MYBL1: variants seen among roughly 807,000 people sequenced by gnomAD.
MYBL1 encodes the protein myb-related protein A.
MYBL1 carries 17 observed loss-of-function variants against 96.3 expected under a neutral mutation model. That is an observed-to-expected ratio of 0.18 (90% CI 0.12 to 0.26). The LOEUF (loss-of-function observed/expected upper bound fraction) is 0.26. MYBL1 is among the 10% of genes least tolerant of loss of function. The probability of loss-of-function intolerance (pLI) is 1.00; values close to 1 mark genes in which losing one functional copy is unlikely to be tolerated. For synonymous variants in MYBL1, 282 were observed against 292.7 expected, an observed-to-expected ratio of 0.96 and a Z score of 0.37; for missense variants, 701 against 882.9, an observed-to-expected ratio of 0.79 and a Z score of 2.61.
chr8:66,568,305 A>C (rs924093546), intron 12 of MYBL1, among the ~76,000 whole-genome samples: 1 of 151,992 alleles, frequency 6.6e-6, no homozygotes. Context: ...TTGAGATGGA[A>C]TCTTGCTCTG....
chr8:66,570,795 C>T (rs375569576), intron 12 of MYBL1, among the ~76,000 whole-genome samples: 16 of 152,196 alleles, frequency 1.1e-4, no homozygotes, highest in South Asian at 6.2e-4. Context: ...TAAATATATA[C>T]ATTTACTTGG....
chr8:66,601,375 T>A (rs1810066956), intron 3 of MYBL1, among the ~76,000 whole-genome samples: 1 of 152,110 alleles, frequency 6.6e-6, no homozygotes, highest in Non-Finnish European at 1.5e-5. Flanking sequence ...TGGTTAGCTA[T>A]CAAATATCTC....
In MYBL1 at chr8:66,580,856, TTC is replaced by T. The variant is rs1311572685; in HGVS notation, c.868-492_868-491del. Among the ~76,000 whole-genome samples the T allele has an allele frequency of 1.0e-4, 15 of 146,962 alleles. No individual in the cohort carries two copies. In the East Asian group the frequency reaches 3.3e-3, roughly 32 times the overall value. On this transcript the variant is annotated intron_variant, in intron 8 of 15. Coordinates refer to ENST00000522677, the MANE Select transcript of MYBL1 (RefSeq NM_001080416.4). ...TGTAACCTACTGACCAGGGAAGCTCTTCTTTTTTTTTTTTTTTTCTGAGATTG... is the reference window on the plus strand; with the variant it reads ...TGTAACCTACTGACCAGGGAAGCTCTTTTTTTTTTTTTTTTTCTGAGATTG...
At chr8:66,586,042 G>GTTTTTTTTTTTTTTTT (rs578179482) in intron 8 of MYBL1, among the ~76,000 whole-genome samples, 1 of 105,828 alleles carries the variant, frequency 9.4e-6, no homozygotes, top group Non-Finnish European at 2.0e-5. Flanking sequence ...GTTTTTTGGT[G>GTTTTTTTTTTTTTTTT]TTTTTTTTTT....
Position 66,579,635 on chromosome 8 carries a change from C to T in MYBL1, c.1101+498G>A, listed in dbSNP as rs142480915. 3.7e-3 allele frequency among the ~76,000 whole-genome samples: 550 copies of T among 148,638 alleles called. 3 individuals carry two copies. Among genetic ancestry groups the T allele is most frequent in the African/African-American group, 0.013 (526 of 40,004 alleles). On this transcript the variant is annotated intron_variant, in intron 9 of 15. Transcript: ENST00000522677. ...TTGCACCACTACACTCCAGCCTGGG[C>T]GACAGAGTGAGATGCCATCTTAAAA...
At chr8:66,602,802 G>A (rs1198377524) in intron 1 of MYBL1, among the ~76,000 whole-genome samples, 1 of 135,542 alleles carries the variant, frequency 7.4e-6, no homozygotes, top group Non-Finnish European at 1.5e-5. Context: ...CTGGAGTGCA[G>A]TGGCATGATC....
At position 66,592,432 on chromosome 8, in the gene MYBL1, T is replaced by A; in HGVS notation, c.867+8A>T. 1 of 1,540,582 alleles carries A rather than the reference T, an allele frequency of 6.5e-7. No individual in the cohort carries two copies. Among genetic ancestry groups the A allele is most frequent in the Middle Eastern group, 1.7e-4 (1 of 5,914 alleles). On this transcript the variant is annotated splice_region_variant and intron_variant, in intron 8 of 15. Coordinates refer to ENST00000522677, the MANE Select transcript of MYBL1 (RefSeq NM_001080416.4). Reference sequence around the variant, plus strand: ...TCTAACAATACAAATAACAAGCTTATTTCTTACTGATGGAATTCGCTTTCT... The same window carrying A: ...TCTAACAATACAAATAACAAGCTTAATTCTTACTGATGGAATTCGCTTTCT...
chr8:66,590,986 C>T (rs1325643329), intron 8 of MYBL1, among the ~76,000 whole-genome samples: 1 of 152,156 alleles, frequency 6.6e-6, no homozygotes, highest in African/African-American at 2.4e-5. Context: ...ATGATCTGGT[C>T]AGTATACATT....
chr8:66,602,870 C>G (rs912131093), intron 1 of MYBL1, among the ~76,000 whole-genome samples: 1 of 149,716 alleles, frequency 6.7e-6, no homozygotes, highest in Non-Finnish European at 1.5e-5. Flanking sequence ...CTCAGCCTCT[C>G]GAGTAGCTGG....
Position 66,564,834 on chromosome 8 carries a change from G to A in MYBL1, c.2131-9C>T. On this transcript the variant is annotated splice_polypyrimidine_tract_variant and intron_variant, in intron 15 of 15. Transcript: ENST00000522677. ...TCCCATTCACAATTTGACTAGAAAG[G>A]AAATATTAATAGTGACATGAAAATT... is the stretch of plus-strand genomic sequence containing the variant. The A allele has an allele frequency of 6.5e-7, 1 of 1,543,834 alleles. No homozygotes were observed.
At chr8:66,572,654 T>C (rs1563528366) in intron 11 of MYBL1, 58 bp from the exon 12 acceptor site, 2 of 857,572 alleles carry the variant, frequency 2.3e-6, no homozygotes, top group Non-Finnish European at 1.8e-6. Flanking sequence ...TACAAGTTAA[T>C]GAAAGCAAAG....
At chr8:66,612,666 C>G in intron 1 of MYBL1, 153 bp downstream of exon 1, 1 of 886,978 alleles carries the variant, frequency 1.1e-6, no homozygotes. Flanking sequence ...AGCTGCCCTC[C>G]GGTCATCGAG....
chr8:66,589,122 T>G (rs1809535817), intron 8 of MYBL1, among the ~76,000 whole-genome samples: 1 of 152,190 alleles, frequency 6.6e-6, no homozygotes, highest in Non-Finnish European at 1.5e-5. Flanking sequence ...AACCAAATCT[T>G]TATGAGAACA....
chr8:66,596,013 T>G (rs1449465632), intron 5 of MYBL1, among the ~76,000 whole-genome samples: 1 of 152,138 alleles, frequency 6.6e-6, no homozygotes, highest in Non-Finnish European at 1.5e-5. Flanking sequence ...AGTAGGTCAC[T>G]GCTCTCGTGG....
intron 10 of MYBL1, among the ~76,000 whole-genome samples, chr8:66,575,508 G>C (rs1808900871): frequency 6.6e-6 from 1 of 152,064 alleles, no homozygotes; most frequent in African/African-American, 2.4e-5. Flanking sequence ...ATATCATGTA[G>C]AACCGGGAGC....
chr8:66,583,618 A>C (rs1809300492), intron 8 of MYBL1, among the ~76,000 whole-genome samples: 1 of 152,056 alleles, frequency 6.6e-6, no homozygotes, highest in African/African-American at 2.4e-5. Context: ...ATAAAATCAG[A>C]AACAAAAAAG....
Position 66,613,200 on chromosome 8 carries a change from C to G in MYBL1, c.-362G>C, listed in dbSNP as rs1810607490. 2.5e-6 allele frequency: 1 copy of G among 400,252 alleles called. No individual in the cohort carries two copies. Among genetic ancestry groups the G allele is most frequent in the South Asian group, 1.2e-4 (1 of 8,134 alleles). The allele number at this position is 400,252 out of a possible 1,614,324, so 24.8% of individuals were successfully genotyped here. ...AGGCGCCCGACCCCTGCCCTCTCCC[C>G]CGCAGCTAGCAGTTCTGCAGGGCTC... On this transcript the variant is annotated 5_prime_UTR_variant, in exon 1 of 16. Coordinates refer to ENST00000522677, the MANE Select transcript of MYBL1 (RefSeq NM_001080416.4).
rs368496062 is a variant in MYBL1, at chr8:66,575,363, G to A, written c.1470+644C>T. Among the ~76,000 whole-genome samples, 8 of 152,270 alleles carry A rather than the reference G, an allele frequency of 5.3e-5. No individual in the cohort carries two copies. In the East Asian group the frequency reaches 9.6e-4, roughly 18 times the overall value. On this transcript the variant is annotated intron_variant, in intron 10 of 15. Coordinates refer to ENST00000522677, the MANE Select transcript of MYBL1 (RefSeq NM_001080416.4). ...TCGAACAGTAGTCAGTCAGGAAACC[G>A]GATCTTAGTCTCAGCCTTGCATTAG...
intron 1 of MYBL1, among the ~76,000 whole-genome samples, chr8:66,606,711 A>G (rs1437891880): frequency 1.3e-5 from 2 of 152,104 alleles, no homozygotes; most frequent in East Asian, 3.9e-4. Context: ...ACACACTTCA[A>G]TAGTCCAGTG....
Sources: allele counts gnomAD v4.1 joint callset (sites outside exome capture counted in the v4.1 genomes callset), GRCh38; gene constraint gnomAD v4.1.1; transcripts MANE v1.5; gene names NCBI Gene and HGNC (gene_info 2026-07-23, HGNC 2026-07-21).